The following ASB15 variants were observed in gnomAD, a reference collection of about 807,000 sequenced individuals.
ASB15 encodes ankyrin repeat and SOCS box containing 15, also known as ankyrin repeat and SOCS box protein 15.
ASB15 carries 54 observed loss-of-function variants against 58.0 expected under a neutral mutation model. That is an observed-to-expected ratio of 0.93 (90% CI 0.75 to 1.17). The LOEUF is 1.17. Among genes scored for constraint, ASB15 ranks in the 50% most tolerant of loss-of-function variants. The pLI is 0.00. For synonymous variants in ASB15, 249 were observed against 262.4 expected, an observed-to-expected ratio of 0.95 and a Z score of 0.50; for missense variants, 680 against 707.4, an observed-to-expected ratio of 0.96 and a Z score of 0.44.
intron 1 of ASB15, among the ~76,000 whole-genome samples, chr7:123,574,857 A>AT: frequency 6.6e-6 from 1 of 151,638 alleles, no homozygotes. Context: ...TACTCTTTTT[A>AT]TTTTTTCTAT....
At chr7:123,589,476 C>A (rs907503897) in intron 1 of ASB15, among the ~76,000 whole-genome samples, 4 of 152,124 alleles carry the variant, frequency 2.6e-5, no homozygotes, top group Non-Finnish European at 5.9e-5. Flanking sequence ...CTCCAGCCCC[C>A]CACCTCTCAA....
Position 123,629,349 on chromosome 7 carries a change from A to T in ASB15, c.1355A>T (p.Asp452Val), listed in dbSNP as rs1373482113. Residue 452 changes from aspartate (D) to valine (V), a missense_variant, in exon 10 of 12, where the codon GAC becomes GTC. Physicochemically the swap from Asp to Val is radical, Grantham distance 152. Transcript: ENST00000451215. ...ATGTGCTTTGACTGCATGCATGGTG[A>T]CATCTTTGGAAATTCATTTGTGTGG... ...VEMCFDCMHG[D>V]IFGNSFVWSE... The T allele has an allele frequency of 2.5e-6, 4 of 1,614,094 alleles. No individual in the cohort carries two copies. Among genetic ancestry groups the T allele is most frequent in the East Asian group, 4.5e-5 (2 of 44,872 alleles).
Position 123,576,607 on chromosome 7 carries a change from T to C in ASB15, c.-443+9519T>C, listed in dbSNP as rs185540167. ...TCACTCATCTATGGGATTCTCTGTG[T>C]AGCTCCACATCCTCGGCTTCTCTGA... On this transcript the variant is annotated intron_variant, in intron 1 of 13. Transcript: ENST00000451558. Among the ~76,000 whole-genome samples the C allele has an allele frequency of 3.1e-3, 465 of 152,274 alleles. 2 individuals are homozygous for C. The highest frequency in any genetic ancestry group is 5.4e-3 in the Non-Finnish European group (369 of 68,008).
chr7:123,624,396 A>G, intron 7 of ASB15, 173 bp from the exon 8 acceptor site: 2 of 632,672 alleles, frequency 3.2e-6, no homozygotes, highest in South Asian at 2.1e-5. Flanking sequence ...TATTTCACAA[A>G]TATAAACTTG....
At position 123,567,700 on chromosome 7, in the gene ASB15, G is replaced by A. The variant is rs1176509121; in HGVS notation, c.-443+612G>A. Among the ~76,000 whole-genome samples, 3 of 152,078 alleles carry A rather than the reference G, an allele frequency of 2.0e-5. No individual in the cohort carries two copies. The East Asian group carries it at 5.8e-4, about 29-fold the overall frequency. On this transcript the variant is annotated intron_variant, in intron 1 of 13. Coordinates refer to the ASB15 transcript ENST00000451558. ...CTCAGACCCTGGGGAGCTCATTTCT[G>A]AAAATGTACAGGGGACAGGTAATGC...
At chr7:123,605,971 G>A (rs766903094) in intron 2 of ASB15, among the ~76,000 whole-genome samples, 42 of 152,056 alleles carry the variant, frequency 2.8e-4, no homozygotes, top group Non-Finnish European at 4.7e-4. Context: ...TATAACAAAC[G>A]TTAAGATAAA....
intron 1 of ASB15, among the ~76,000 whole-genome samples, chr7:123,590,940 G>A (rs1451792175): frequency 6.6e-6 from 1 of 152,148 alleles, no homozygotes; most frequent in Non-Finnish European, 1.5e-5. Context: ...AGTATGGAAT[G>A]TTCTTCCATT....
intron 7 of ASB15, chr7:123,622,774 A>T (rs1406509139): frequency 6.6e-6 from 1 of 152,202 alleles, no homozygotes; most frequent in South Asian, 2.1e-4. Context: ...ACCAGCTAGC[A>T]TGAGGTAATT....
chr7:123,596,445 A>C (rs1474955118), intron 1 of ASB15: 1 of 152,008 alleles, frequency 6.6e-6, no homozygotes, highest in African/African-American at 2.4e-5. Flanking sequence ...ATCTCTACAA[A>C]AGAAATAAAA....
In ASB15 at chr7:123,627,154, T is replaced by C; in HGVS notation, c.742T>C (p.Phe248Leu). The C allele has an allele frequency of 6.2e-7, 1 of 1,613,874 alleles. No individual in the cohort carries two copies. The highest frequency in any genetic ancestry group is 8.5e-7 in the Non-Finnish European group (1 of 1,179,914). ...ALADDGASVL[F>L]EAAGGGNPDC... ...GGCGGATGATGGGGCGTCGGTGCTG[T>C]TTGAGGCAGCAGGAGGTGGCAATCC... The change falls in exon 9 of 12, where the codon TTT becomes CTT. Residue 248 changes from phenylalanine (F) to leucine (L), a missense_variant. Transcript: ENST00000451215.
chr7:123,617,669 G>A lies in ASB15; in HGVS notation c.383G>A (p.Arg128Lys). Residue 128 changes from arginine (R) to lysine (K), a missense_variant, in exon 7 of 12, where the codon AGA becomes AAA. Coordinates refer to ENST00000451215, the MANE Select transcript of ASB15 (RefSeq NM_001290258.2). ...AVKAGLVENV[R>K]TLLEKGVWPN... is the part of the protein sequence containing the mutation. Reference sequence around the variant, plus strand: ...AAAGCTGGTCTGGTGGAAAATGTAAGAACTTTATTAGAAAAGGGAGTGTGG... The same window carrying A: ...AAAGCTGGTCTGGTGGAAAATGTAAAAACTTTATTAGAAAAGGGAGTGTGG... 2 of 1,612,344 alleles carry A rather than the reference G, an allele frequency of 1.2e-6. No homozygotes were observed. The highest frequency in any genetic ancestry group is 1.7e-6 in the Non-Finnish European group (2 of 1,178,416).
At chr7:123,619,682 C>T (rs1801107235) in intron 7 of ASB15, among the ~76,000 whole-genome samples, 1 of 152,106 alleles carries the variant, frequency 6.6e-6, no homozygotes, top group South Asian at 2.1e-4. Context: ...CGCCACCACG[C>T]CCAGCTAATG....
intron 7 of ASB15, among the ~76,000 whole-genome samples, chr7:123,622,489 T>A (rs1207063662): frequency 6.6e-6 from 1 of 152,200 alleles, no homozygotes; most frequent in Non-Finnish European, 1.5e-5. Context: ...ACATTCTTGA[T>A]TTCAAAAAAT....
At chr7:123,597,123 A>C (rs541806039), upstream of ASB15, among the ~76,000 whole-genome samples, 2 of 152,338 alleles carry the variant, frequency 1.3e-5, no homozygotes, top group East Asian at 3.9e-4. Context: ...CTAGCAATAA[A>C]CAATTCATAA....
At chr7:123,590,791 T>C (rs1349894161) in intron 1 of ASB15, among the ~76,000 whole-genome samples, 1 of 152,206 alleles carries the variant, frequency 6.6e-6, no homozygotes, top group African/African-American at 2.4e-5. Flanking sequence ...GGCTCCTTTT[T>C]GGTTCCATAT....
At chr7:123,595,910 C>CTCAGATTGGTTTATATTAAA (rs1400251473) in intron 1 of ASB15, among the ~76,000 whole-genome samples, 1 of 152,122 alleles carries the variant, frequency 6.6e-6, no homozygotes, top group Non-Finnish European at 1.5e-5. Context: ...AACCTCAAAA[C>CTCAGATTGGTTTATATTAAA]TCAATCTGAT....
rs1158002754 is a variant in ASB15 at position 123,638,488 on chromosome 7, G to A, written c.*1507G>A. 6.6e-6 allele frequency: 1 copy of A among 151,946 alleles called. No homozygotes were observed. The highest frequency in any genetic ancestry group is 6.6e-5 in the Admixed American group (1 of 15,254). The allele number at this position is 151,946 out of a possible 1,614,324, so 9.4% of individuals were successfully genotyped here. A position where few individuals can be genotyped will look rare whatever the true frequency, so the allele number is the denominator to read the frequency against. On this transcript the variant is annotated 3_prime_UTR_variant, in exon 12 of 12. Coordinates refer to ENST00000451215, the MANE Select transcript of ASB15 (RefSeq NM_001290258.2). ...TATCACCATCATTTCATAAAAGAGG[G>A]GTCATTTTAATGCCAGAAAGTAAGA...
At chr7:123,623,932 AAAGAAAGAAAGAAAG>A (rs1801546989) in intron 7 of ASB15, among the ~76,000 whole-genome samples, 1 of 18,310 alleles carries the variant, frequency 5.5e-5, no homozygotes, top group Admixed American at 6.6e-4. Flanking sequence ...GAAAGAAAGA[AAAGAAAGAAAGAAAG>A]AAAGAAAGAA....
intron 7 of ASB15, chr7:123,620,265 T>C (rs1801149649): frequency 6.6e-6 from 1 of 151,934 alleles, no homozygotes; most frequent in East Asian, 1.9e-4. Flanking sequence ...ATTGTCTACC[T>C]GGATGGTCTG....
Sources: allele counts gnomAD v4.1 joint callset (sites outside exome capture counted in the v4.1 genomes callset), GRCh38; gene constraint gnomAD v4.1.1; transcripts MANE v1.5; gene names NCBI Gene and HGNC (gene_info 2026-07-23, HGNC 2026-07-21).